Variants in ST8SIA1 observed in about 807,000 individuals in gnomAD.
The protein encoded by ST8SIA1 is alpha-N-acetylneuraminide alpha-2,8-sialyltransferase.
ST8SIA1 carries 16 observed loss-of-function variants against 35.9 expected under a neutral mutation model. That is an observed-to-expected ratio of 0.45 (90% CI 0.30 to 0.68). The LOEUF is 0.68. ST8SIA1 is among the 30% of genes least tolerant of loss of function. The pLI is 0.09. For missense variants in ST8SIA1, 383 were observed against 453.6 expected, an observed-to-expected ratio of 0.84 and a Z score of 1.41; for synonymous variants, 170 against 169.6, an observed-to-expected ratio of 1.00 and a Z score of -0.02.
intron 2 of ST8SIA1, among the ~76,000 whole-genome samples, chr12:22,265,488 C>T (rs569418955): frequency 6.6e-6 from 1 of 152,318 alleles, no homozygotes; most frequent in East Asian, 1.9e-4. Flanking sequence ...TGTTAATGTT[C>T]CCCTATGACA....
At chr12:22,252,598 T>G (rs1381235397) in intron 3 of ST8SIA1, among the ~76,000 whole-genome samples, 2 of 152,254 alleles carry the variant, frequency 1.3e-5, no homozygotes, top group Non-Finnish European at 2.9e-5. Flanking sequence ...TTTGAGTTCT[T>G]TCAACCCTCA....
intron 4 of ST8SIA1, among the ~76,000 whole-genome samples, chr12:22,241,579 G>C (rs1031403886): frequency 1.4e-5 from 2 of 146,696 alleles, no homozygotes; most frequent in East Asian, 4.1e-4. Flanking sequence ...TTTTCTTTAA[G>C]AATTACCCAG....
At chr12:22,212,130 A>T (rs1865182380) in intron 4 of ST8SIA1, among the ~76,000 whole-genome samples, 1 of 152,202 alleles carries the variant, frequency 6.6e-6, no homozygotes, top group Admixed American at 6.5e-5. Context: ...ATAAAAAATA[A>T]CTCATATAAA....
At chr12:22,235,463 C>T (rs1252738897) in intron 4 of ST8SIA1, among the ~76,000 whole-genome samples, 3 of 151,952 alleles carry the variant, frequency 2.0e-5, no homozygotes, top group South Asian at 2.1e-4. Flanking sequence ...TACTGTCATC[C>T]GTTTTCATGA....
At chr12:22,229,628 A>T (rs1865395094) in intron 4 of ST8SIA1, among the ~76,000 whole-genome samples, 1 of 152,040 alleles carries the variant, frequency 6.6e-6, no homozygotes. Context: ...AAAAAAAAAA[A>T]AAAAAAAAAG....
At chr12:22,333,820 A>G in intron 1 of ST8SIA1, 177 bp downstream of exon 1, 1 of 776,740 alleles carries the variant, frequency 1.3e-6, no homozygotes, top group South Asian at 1.4e-5. Context: ...GTGGGGAAGG[A>G]ACCCTGACTA....
intron 2 of ST8SIA1, among the ~76,000 whole-genome samples, chr12:22,277,130 TTATTTTTAATAATA>T (rs1865979132): frequency 6.6e-6 from 1 of 152,168 alleles, no homozygotes; most frequent in South Asian, 2.1e-4. Context: ...TAGAATTTCC[TTATTTTTAATAATA>T]AAACGCAACA....
rs771982450 is a variant in ST8SIA1 at position 22,287,300 on chromosome 12, G to A, written c.237-7C>T. ...GCAGTCTTCCATTTGTTTCCTAGGA[G>A]AGAAAACAGAGAGAGAGAAAAGAAC... On this transcript the variant is annotated splice_region_variant and splice_polypyrimidine_tract_variant and intron_variant, in intron 1 of 4. Transcript: ENST00000396037. 1 of 1,608,744 alleles carries A rather than the reference G, an allele frequency of 6.2e-7. No homozygotes were observed. Among genetic ancestry groups the A allele is most frequent in the South Asian group, 1.1e-5 (1 of 90,570 alleles).
At chr12:22,221,703 T>C (rs552604501) in intron 4 of ST8SIA1, among the ~76,000 whole-genome samples, 36 of 152,372 alleles carry the variant, frequency 2.4e-4, no homozygotes, top group African/African-American at 8.4e-4. Flanking sequence ...ATTACAGTTG[T>C]TGAAAACAGA....
intron 3 of ST8SIA1, among the ~76,000 whole-genome samples, chr12:22,253,575 T>G (rs1049862854): frequency 3.3e-5 from 5 of 152,088 alleles, no homozygotes; most frequent in Non-Finnish European, 7.4e-5. Context: ...AGCAAACACA[T>G]CTCTAGGATA....
At chr12:22,292,571 T>TA (rs61687739) in intron 1 of ST8SIA1, among the ~76,000 whole-genome samples, 51,972 of 151,948 alleles carry the variant, frequency 0.34, 10,226 homozygotes, top group African/African-American at 0.55. Context: ...TATGCAGCCA[T>TA]AAAAAGGAGG....
chr12:22,264,354 C>T (rs1591838619), intron 2 of ST8SIA1, among the ~76,000 whole-genome samples: 1 of 152,088 alleles, frequency 6.6e-6, no homozygotes, highest in African/African-American at 2.4e-5. Context: ...ATCCCTGTAC[C>T]CCAGTCACTT....
chr12:22,195,241 C>T lies in ST8SIA1; in HGVS notation c.*6311G>A, dbSNP rs975311810. Reference sequence around the variant, plus strand: ...AGAAAGAAAGAAAGGAAAAAGAAAACGGGAGTGTTGTTTCACTGTGATCAA... The same window carrying T: ...AGAAAGAAAGAAAGGAAAAAGAAAATGGGAGTGTTGTTTCACTGTGATCAA... On this transcript the variant is annotated 3_prime_UTR_variant, in exon 5 of 5. Coordinates refer to ENST00000396037, the MANE Select transcript of ST8SIA1 (RefSeq NM_003034.4). 5.8e-5 allele frequency: 8 copies of T among 137,866 alleles called. No homozygotes were observed. The highest frequency in any genetic ancestry group is 8.0e-5 in the Non-Finnish European group (5 of 62,734). 8.5% of individuals were successfully genotyped at this position (137,866 alleles called of 1,614,324 possible).
chr12:22,206,789 G>A (rs758574825), intron 4 of ST8SIA1, among the ~76,000 whole-genome samples: 7 of 152,192 alleles, frequency 4.6e-5, no homozygotes, highest in East Asian at 1.9e-4. Flanking sequence ...CTGATGGATA[G>A]TGTCCAACAT....
intron 3 of ST8SIA1, among the ~76,000 whole-genome samples, chr12:22,254,259 C>T (rs1865704621): frequency 2.6e-5 from 4 of 152,248 alleles, no homozygotes; most frequent in East Asian, 1.9e-4. Flanking sequence ...CACTCATCCC[C>T]GAGATACCCT....
At chr12:22,277,404 T>C (rs1439445538) in intron 2 of ST8SIA1, among the ~76,000 whole-genome samples, 1 of 150,064 alleles carries the variant, frequency 6.7e-6, no homozygotes, top group African/African-American at 2.5e-5. Context: ...AGTCTCACTC[T>C]TGCCCAGGCT....
intron 1 of ST8SIA1, among the ~76,000 whole-genome samples, chr12:22,298,766 T>A (rs1591848548): frequency 6.6e-6 from 1 of 152,328 alleles, no homozygotes; most frequent in East Asian, 1.9e-4. Context: ...CCATTATCCC[T>A]CAACTTGTTG....
At position 22,334,005 on chromosome 12, in the gene ST8SIA1, T is replaced by C; in HGVS notation, c.228A>G (p.Arg76=). The change falls in exon 1 of 5, where the codon AGA becomes AGG. Residue 76 remains arginine (R), a synonymous_variant. Transcript: ENST00000396037. ...TAWRRNQTAA[R]AFRKQMEDCC... ...CGCGAGGGCAGGAGTACCTGAACGC[T>C]CTGGCCGCGGTCTGGTTCCTCCTCC... 6.2e-7 allele frequency: 1 copy of C among 1,613,720 alleles called. No homozygotes were observed. The highest frequency in any genetic ancestry group is 1.3e-5 in the African/African-American group (1 of 74,982).
At chr12:22,294,671 T>A (rs1866221480) in intron 1 of ST8SIA1, among the ~76,000 whole-genome samples, 1 of 152,222 alleles carries the variant, frequency 6.6e-6, no homozygotes, top group Non-Finnish European at 1.5e-5. Flanking sequence ...GGCAGATTAG[T>A]GCCATGTGTA....
Sources: gnomAD v4.1 joint callset for allele counts (sites outside exome capture counted in the v4.1 genomes callset) on GRCh38, gnomAD v4.1.1 for gene constraint, MANE v1.5 for transcripts, NCBI Gene and HGNC (gene_info 2026-07-23, HGNC 2026-07-21) for gene names.